The following GPC3 variants were observed in gnomAD, a reference collection of about 807,000 sequenced individuals.
GPC3 encodes glypican-3.
In GPC3, 3 loss-of-function variants were observed where a neutral mutation model predicts 34.4. The ratio of observed to expected loss-of-function variants is 0.09; its 90% CI spans 0.04 to 0.23. The LOEUF (loss-of-function observed/expected upper bound fraction) is 0.23. Ranked by LOEUF, GPC3 falls within the 10% of genes least tolerant of loss-of-function variation. The pLI, the probability that GPC3 is intolerant of heterozygous loss-of-function variation, is 1.00. For synonymous variants in GPC3, 177 were observed against 174.0 expected (o/e 1.02, Z -0.13); for missense variants, 351 against 445.6 (o/e 0.79, Z 1.91).
chrX:133,985,434 G>T lies in GPC3; in HGVS notation c.16C>A (p.Arg6Ser), dbSNP rs1268383977. The T allele has an allele frequency of 1.7e-6, 2 of 1,172,469 alleles. No individual in the cohort carries two copies. The highest frequency in any genetic ancestry group is 3.8e-5 in the South Asian group (2 of 53,156). ...ATCGCCACCACCAAGCACGCGGTGC[G>T]CACGGTCCCGGCCATCCTGCTTCGC... is the stretch of plus-strand genomic sequence containing the variant. MAGTVRTACLVVAMLL... is the reference protein window; with the variant it reads MAGTVSTACLVVAMLL... The change falls in exon 1 of 8, where the codon CGC becomes AGC. Residue 6 changes from arginine (R) to serine (S), a missense_variant. Coordinates refer to ENST00000370818, the MANE Select transcript of GPC3 (RefSeq NM_004484.4).
rs3040476 is a variant in GPC3 at position 133,976,927 on chromosome X, T to TAATAAATA, written c.175+8340_175+8347dup. ...TGCAAGACTCTGTCTCAAAAAATGATAATAAATAAATAAATAAATAAATAA... is the reference window on the plus strand; with the variant it reads ...TGCAAGACTCTGTCTCAAAAAATGATAATAAATAAATAAATAAATAAATAAATAAATAA... On this transcript the variant is annotated intron_variant, in intron 1 of 7. Transcript: ENST00000370818. Among the ~76,000 whole-genome samples, 882 of 94,060 alleles carry TAATAAATA rather than the reference T, an allele frequency of 9.4e-3. 4 individuals carry two copies. Among genetic ancestry groups the TAATAAATA allele is most frequent in the South Asian group, 0.014 (26 of 1,794 alleles). The allele number at this position is 94,060 out of a possible 115,157, so 81.7% of individuals were successfully genotyped here. A position where few individuals can be genotyped will look rare whatever the true frequency, so the allele number is the denominator to read the frequency against.
rs765468592 is a variant in GPC3, at chrX:133,578,830, C to T, written c.1573+17610G>A. On this transcript the variant is annotated intron_variant, in intron 7 of 7. Transcript: ENST00000370818. The stretch of plus-strand genomic sequence containing the variant: ...GTTCAGAAGGATTAGGATGTCACAT[C>T]TGGGCTCAGTGGAGTGGGGTGCTGT... Among the ~76,000 whole-genome samples the T allele has an allele frequency of 2.7e-5, 3 of 110,939 alleles. No individual in the cohort carries two copies. In the South Asian group the frequency reaches 1.2e-3, roughly 44 times the overall value.
At chrX:133,621,127 G>A (rs945992243) in intron 6 of GPC3, among the ~76,000 whole-genome samples, 2 of 110,743 alleles carry the variant, frequency 1.8e-5, no homozygotes, top group Admixed American at 1.9e-4. Context: ...GTATGATAAG[G>A]GCCTATAGAG....
At position 133,762,616 on chromosome X, in the gene GPC3, CTCCACA is replaced by C. The variant is rs761647301; in HGVS notation, c.338-8446_338-8441del. ...GCCAACAAACATACGAAAAAAAATG[CTCCACA>C]TCACTAATCATCAGATAAATGCAAA... On this transcript the variant is annotated intron_variant, in intron 2 of 7. Transcript: ENST00000370818. Among the ~76,000 whole-genome samples the C allele has an allele frequency of 5.4e-5, 6 of 111,730 alleles. No individual in the cohort carries two copies. In the East Asian group the frequency reaches 1.7e-3, roughly 32 times the overall value.
intron 7 of GPC3, among the ~76,000 whole-genome samples, chrX:133,593,174 A>G (rs2069870362): frequency 9.3e-6 from 1 of 107,623 alleles, no homozygotes; most frequent in African/African-American, 3.4e-5. Context: ...CTAAAAATAC[A>G]AAAATTAGCT....
rs755385415 is a variant in GPC3, at chrX:133,755,872, T to C, written c.338-1696A>G. On this transcript the variant is annotated intron_variant, in intron 2 of 7. Coordinates refer to ENST00000370818, the MANE Select transcript of GPC3 (RefSeq NM_004484.4). ...GAGGCCAAGAGATTATCTAGCCCAA[T>C]ACAGAGGACCAGTCAACAAATTCGT... 5.3e-5 allele frequency among the ~76,000 whole-genome samples: 6 copies of C among 112,353 alleles called. 1 individual carries two copies. The South Asian group carries it at 2.2e-3, about 41-fold the overall frequency.
intron 2 of GPC3, among the ~76,000 whole-genome samples, chrX:133,935,731 T>A (rs1030704289): frequency 1.8e-5 from 2 of 111,335 alleles, no homozygotes; most frequent in African/African-American, 6.5e-5. Context: ...TGATAATATA[T>A]GAGAGTATCA....
intron 5 of GPC3, among the ~76,000 whole-genome samples, chrX:133,673,267 T>C (rs191797799): frequency 9.7e-5 from 11 of 112,854 alleles, no homozygotes; most frequent in African/African-American, 3.2e-4. Context: ...TAGATTTTAA[T>C]TGATGAAAAT....
intron 7 of GPC3, among the ~76,000 whole-genome samples, chrX:133,550,376 C>G (rs2069424197): frequency 9.0e-6 from 1 of 111,450 alleles, no homozygotes; most frequent in African/African-American, 3.3e-5. Flanking sequence ...GCCTTCCCTT[C>G]TCACTTCAAG....
intron 1 of GPC3, among the ~76,000 whole-genome samples, chrX:133,983,829 A>G (rs1223742806): frequency 1.8e-5 from 2 of 112,056 alleles, no homozygotes; most frequent in African/African-American, 6.5e-5. Context: ...GTGGTACATT[A>G]TTAACACTTA....
chrX:133,778,610 T>C (rs1055938374), intron 2 of GPC3, among the ~76,000 whole-genome samples: 16 of 112,156 alleles, frequency 1.4e-4, no homozygotes, highest in Non-Finnish European at 2.8e-4. Flanking sequence ...TATAGCATTA[T>C]CATGATCTCC....
At chrX:133,635,788 T>A (rs1241243018) in intron 6 of GPC3, among the ~76,000 whole-genome samples, 3 of 108,544 alleles carry the variant, frequency 2.8e-5, no homozygotes, top group Non-Finnish European at 5.7e-5. Context: ...AGGATAAGAG[T>A]TATACCTATC....
chrX:133,605,178 G>A (rs951470930), intron 6 of GPC3, among the ~76,000 whole-genome samples: 4 of 108,974 alleles, frequency 3.7e-5, no homozygotes, highest in Non-Finnish European at 5.7e-5. Flanking sequence ...CACGTGGGGG[G>A]GGGGCAATAA....
chrX:133,864,284 G>T (rs1489561610), intron 2 of GPC3, among the ~76,000 whole-genome samples: 1 of 111,379 alleles, frequency 9.0e-6, no homozygotes, highest in Non-Finnish European at 1.9e-5. Flanking sequence ...CAAACTGTGC[G>T]CACTTCACGG....
chrX:133,851,754 C>T (rs972707907), intron 2 of GPC3, among the ~76,000 whole-genome samples: 3 of 112,001 alleles, frequency 2.7e-5, no homozygotes, highest in South Asian at 3.7e-4. Flanking sequence ...TGCAGGCTGG[C>T]GCGATTCTTC....
chrX:133,831,089 A>G (rs1300499383), intron 2 of GPC3, among the ~76,000 whole-genome samples: 1 of 112,007 alleles, frequency 8.9e-6, no homozygotes, highest in African/African-American at 3.2e-5. Flanking sequence ...ACCAGTGGTT[A>G]CTAGGGATTA....
intron 2 of GPC3, among the ~76,000 whole-genome samples, chrX:133,855,388 A>G (rs1023854734): frequency 1.8e-5 from 2 of 109,289 alleles, no homozygotes; most frequent in African/African-American, 6.7e-5. Context: ...CTGCTCTTGC[A>G]CTCCTGAGCT....
chrX:133,739,069 C>T (rs1205537891), intron 3 of GPC3, among the ~76,000 whole-genome samples: 1 of 111,075 alleles, frequency 9.0e-6, no homozygotes, highest in East Asian at 2.8e-4. Context: ...TTATAATAAG[C>T]TTTATCACAG....
intron 2 of GPC3, among the ~76,000 whole-genome samples, chrX:133,849,214 C>T (rs2075861407): frequency 9.4e-6 from 1 of 106,920 alleles, no homozygotes; most frequent in Admixed American, 1.0e-4. Flanking sequence ...CCTGCCTCAG[C>T]CTCCCCAGTA....
Sources: gnomAD v4.1 joint callset for allele counts (sites outside exome capture counted in the v4.1 genomes callset) on GRCh38, gnomAD v4.1.1 for gene constraint, MANE v1.5 for transcripts, NCBI Gene and HGNC (gene_info 2026-07-23, HGNC 2026-07-21) for gene names.